ATP8A2: variants seen among roughly 807,000 people sequenced by gnomAD.
ATP8A2 encodes the protein phospholipid-transporting ATPase IB.
ATP8A2 carries 100 observed loss-of-function variants against 165.6 expected under a neutral mutation model. The ratio of observed to expected loss-of-function variants is 0.60; its 90% CI spans 0.51 to 0.71. ATP8A2 has a LOEUF of 0.71. Among genes scored for constraint, ATP8A2 ranks in the 30% least tolerant of loss-of-function variants. ATP8A2 has a pLI of 0.00. For missense variants in ATP8A2, 1,227 were observed against 1,479.5 expected (o/e 0.83, Z 2.80); for synonymous variants, 543 against 548.8 (o/e 0.99, Z 0.15).
intron 25 of ATP8A2, among the ~76,000 whole-genome samples, chr13:25,720,459 G>A (rs957697400): frequency 2.0e-5 from 3 of 152,032 alleles, no homozygotes; most frequent in African/African-American, 7.2e-5. Context: ...ACTGCGCCTG[G>A]CCACATGACC....
intron 26 of ATP8A2, 115 bp from the exon 27 acceptor site, chr13:25,774,734 G>T: frequency 1.7e-6 from 1 of 589,824 alleles, no homozygotes; most frequent in Non-Finnish European, 3.0e-6. Flanking sequence ...AGATTCCTGC[G>T]GAATCTGGTT....
intron 27 of ATP8A2, among the ~76,000 whole-genome samples, chr13:25,818,112 T>C (rs1189731989): frequency 6.6e-6 from 1 of 152,210 alleles, no homozygotes; most frequent in Non-Finnish European, 1.5e-5. Context: ...TCAACCATAT[T>C]AGCAAAAGAT....
intron 2 of ATP8A2, among the ~76,000 whole-genome samples, chr13:25,480,889 A>G (rs548795624): frequency 6.6e-6 from 1 of 151,768 alleles, no homozygotes; most frequent in Non-Finnish European, 1.5e-5. Context: ...TGAACCAGAC[A>G]CCGTCTGCAA....
chr13:25,547,670 C>T (rs2038694595), intron 10 of ATP8A2, among the ~76,000 whole-genome samples: 3 of 152,096 alleles, frequency 2.0e-5, no homozygotes, highest in Admixed American at 6.5e-5. Context: ...AAAACCATCC[C>T]CACCCAAGTC....
chr13:25,808,492 G>A lies in ATP8A2; in HGVS notation c.2680-19626G>A, dbSNP rs140111343. On this transcript the variant is annotated intron_variant, in intron 27 of 36. Coordinates refer to ENST00000381655, the MANE Select transcript of ATP8A2 (RefSeq NM_016529.6). ...TGCATGCCTGTAATCCCAACTATTC[G>A]GGAGGCTGAGGCAGGAGAATCACTT... 6.8e-3 allele frequency among the ~76,000 whole-genome samples: 1,038 copies of A among 151,732 alleles called. 8 individuals are homozygous for A. Among genetic ancestry groups the A allele is most frequent in the African/African-American group, 0.024 (981 of 41,388 alleles).
chr13:25,608,231 G>C (rs1418957639), intron 24 of ATP8A2, among the ~76,000 whole-genome samples: 1 of 152,190 alleles, frequency 6.6e-6, no homozygotes, highest in Admixed American at 6.5e-5. Context: ...GAACAGGTAT[G>C]CCAAGAGGGC....
chr13:25,982,712 A>G (rs1235874359), intron 35 of ATP8A2, among the ~76,000 whole-genome samples: 2 of 152,216 alleles, frequency 1.3e-5, no homozygotes, highest in African/African-American at 2.4e-5. Context: ...GTATTTGGAA[A>G]TGAAAATACA....
At chr13:25,506,490 G>A (rs2037040629) in intron 2 of ATP8A2, among the ~76,000 whole-genome samples, 1 of 152,204 alleles carries the variant, frequency 6.6e-6, no homozygotes, top group Admixed American at 6.5e-5. Flanking sequence ...AGTCATCAAG[G>A]CAGATATTGC....
chr13:25,373,133 A>G (rs1395860608), intron 1 of ATP8A2, among the ~76,000 whole-genome samples: 1 of 152,210 alleles, frequency 6.6e-6, no homozygotes, highest in East Asian at 1.9e-4. Context: ...GCAGACGTAA[A>G]GAGGAGCCCC....
chr13:26,002,591 G>A lies in ATP8A2; in HGVS notation c.3378-9940G>A, dbSNP rs1593699129. On this transcript the variant is annotated intron_variant, in intron 35 of 36. Transcript: ENST00000381655. ...AAAAAAAAAAAAACTCACTCCTTTT[G>A]TCTAATTGAAATTTTGTACCCTTTG... Among the ~76,000 whole-genome samples the A allele has an allele frequency of 2.7e-5, 4 of 147,418 alleles. No individual in the cohort carries two copies. In the Admixed American group the frequency reaches 2.7e-4, roughly 10 times the overall value.
chr13:25,787,635 T>C (rs1161697660), intron 27 of ATP8A2, among the ~76,000 whole-genome samples: 1 of 152,224 alleles, frequency 6.6e-6, no homozygotes, highest in African/African-American at 2.4e-5. Flanking sequence ...TTGCCTCTCC[T>C]CCTCACTTTG....
intron 24 of ATP8A2, among the ~76,000 whole-genome samples, chr13:25,591,718 G>A (rs1279634524): frequency 2.0e-5 from 3 of 151,990 alleles, no homozygotes; most frequent in African/African-American, 7.3e-5. Context: ...GAGTAGCTGG[G>A]ATTACAGGCA....
At chr13:25,941,314 C>T (rs1159824893) in intron 33 of ATP8A2, among the ~76,000 whole-genome samples, 7 of 152,138 alleles carry the variant, frequency 4.6e-5, no homozygotes, top group Non-Finnish European at 8.8e-5. Flanking sequence ...CTGTTTGAAA[C>T]GATCCCATGG....
At chr13:25,466,418 C>T (rs1440415742) in intron 1 of ATP8A2, among the ~76,000 whole-genome samples, 1 of 152,176 alleles carries the variant, frequency 6.6e-6, no homozygotes, top group African/African-American at 2.4e-5. Flanking sequence ...TACTCAGAAT[C>T]TATTCCACCA....
At chr13:25,938,426 C>G (rs1246896709) in intron 33 of ATP8A2, among the ~76,000 whole-genome samples, 1 of 152,148 alleles carries the variant, frequency 6.6e-6, no homozygotes, top group Non-Finnish European at 1.5e-5. Flanking sequence ...CAGACCAAAG[C>G]CAGGAAATTA....
intron 25 of ATP8A2, among the ~76,000 whole-genome samples, chr13:25,738,537 A>G (rs2043836552): frequency 6.6e-6 from 1 of 152,244 alleles, no homozygotes; most frequent in South Asian, 2.1e-4. Flanking sequence ...CAGGGAACAC[A>G]GGAAGCAGAG....
intron 2 of ATP8A2, among the ~76,000 whole-genome samples, chr13:25,499,679 C>T (rs2036790340): frequency 1.3e-5 from 2 of 152,194 alleles, no homozygotes; most frequent in Non-Finnish European, 2.9e-5. Context: ...CTCTGCCAAA[C>T]ACACGTACTG....
chr13:25,813,223 A>G (rs1014655594), intron 27 of ATP8A2, among the ~76,000 whole-genome samples: 1 of 149,370 alleles, frequency 6.7e-6, no homozygotes, highest in African/African-American at 2.5e-5. Flanking sequence ...AAATAAAATT[A>G]AAAAAAAAAG....
At chr13:25,848,647 A>C (rs1371409883) in intron 30 of ATP8A2, among the ~76,000 whole-genome samples, 2 of 152,242 alleles carry the variant, frequency 1.3e-5, no homozygotes, top group Non-Finnish European at 2.9e-5. Context: ...GAGAAAATCC[A>C]GCAATAGGCT....
Sources: gnomAD v4.1 joint callset for allele counts (sites outside exome capture counted in the v4.1 genomes callset) on GRCh38, gnomAD v4.1.1 for gene constraint, MANE v1.5 for transcripts, NCBI Gene and HGNC (gene_info 2026-07-23, HGNC 2026-07-21) for gene names.